FANCC: variants seen among roughly 807,000 people sequenced by gnomAD.
FANCC encodes the protein FA complementation group C.
In FANCC, 55 loss-of-function variants were observed where a neutral mutation model predicts 71.3. The ratio of observed to expected loss-of-function variants is 0.77; its 90% CI spans 0.62 to 0.97. The LOEUF is 0.97. FANCC is among the 50% of genes least tolerant of loss of function. The pLI is 0.00. For synonymous variants in FANCC, 275 were observed against 244.9 expected, an observed-to-expected ratio of 1.12 and a Z score of -1.15; for missense variants, 678 against 670.9, an observed-to-expected ratio of 1.01 and a Z score of -0.12.
In FANCC at chr9:95,303,767, C is replaced by T. The variant is rs12685903; in HGVS notation, c.-79+13759G>A. 3.3e-3 allele frequency among the ~76,000 whole-genome samples: 506 copies of T among 152,248 alleles called. 9 individuals are homozygous for T. The East Asian group carries it at 0.044, about 13-fold the overall frequency. On this transcript the variant is annotated intron_variant, in intron 1 of 14. Transcript: ENST00000289081. Reference sequence around the variant, plus strand: ...AAAGGCTCCATCTCCAAATACAGTCCCATTGGGGGTTACAGCTTCAGCTTC... The same window carrying T: ...AAAGGCTCCATCTCCAAATACAGTCTCATTGGGGGTTACAGCTTCAGCTTC...
At chr9:95,237,917 A>G (rs10283758) in intron 4 of FANCC, among the ~76,000 whole-genome samples, 34,355 of 152,212 alleles carry the variant, frequency 0.23, 5,042 homozygotes, top group Non-Finnish European at 0.33. Context: ...ATTAGGTGAA[A>G]TATCTTCTTA....
intron 3 of FANCC, 72 bp from the exon 4 acceptor site, chr9:95,240,815 A>G (rs1234269542): frequency 1.1e-5 from 10 of 876,434 alleles, no homozygotes; most frequent in African/African-American, 1.7e-5. Context: ...TGTAAACATT[A>G]TATTTAGGAA....
intron 6 of FANCC, among the ~76,000 whole-genome samples, chr9:95,152,290 A>G (rs1830219750): frequency 6.6e-6 from 1 of 152,264 alleles, no homozygotes; most frequent in East Asian, 1.9e-4. Context: ...GAGGAACAAT[A>G]TAATGCCAGA....
At chr9:95,201,748 G>A (rs375218894) in intron 4 of FANCC, among the ~76,000 whole-genome samples, 80 of 152,310 alleles carry the variant, frequency 5.3e-4, no homozygotes, top group African/African-American at 1.9e-3. Flanking sequence ...ATTTAAATTT[G>A]TTCCTTTTTG....
chr9:95,103,339 C>T (rs2071203245), intron 14 of FANCC, among the ~76,000 whole-genome samples: 1 of 152,232 alleles, frequency 6.6e-6, no homozygotes, highest in South Asian at 2.1e-4. Flanking sequence ...TGCCTCCCTG[C>T]TGGCCTTGGC....
intron 4 of FANCC, among the ~76,000 whole-genome samples, chr9:95,205,364 A>T (rs1411273922): frequency 6.6e-6 from 1 of 152,126 alleles, no homozygotes; most frequent in East Asian, 1.9e-4. Flanking sequence ...AGCAGCTAAG[A>T]TGTCATATTT....
At chr9:95,141,371 G>A (rs1018619492) in intron 7 of FANCC, among the ~76,000 whole-genome samples, 9 of 149,574 alleles carry the variant, frequency 6.0e-5, no homozygotes, top group African/African-American at 2.2e-4. Flanking sequence ...TTTCCATCAT[G>A]GATAAACAAT....
intron 4 of FANCC, among the ~76,000 whole-genome samples, chr9:95,205,178 C>G (rs917754514): frequency 6.6e-6 from 1 of 152,170 alleles, no homozygotes. Flanking sequence ...TCTCTTTAAG[C>G]TGGTTTTGAC....
At chr9:95,240,541 TA>T in intron 4 of FANCC, 107 bp downstream of exon 4, 3 of 741,846 alleles carry the variant, frequency 4.0e-6, no homozygotes, top group Non-Finnish European at 7.1e-6. Flanking sequence ...AAAAAGTTTC[TA>T]AAACATCATA....
intron 1 of FANCC, among the ~76,000 whole-genome samples, chr9:95,288,332 G>A (rs1280550864): frequency 6.6e-6 from 1 of 152,148 alleles, no homozygotes; most frequent in Non-Finnish European, 1.5e-5. Context: ...GGTTTGGCTA[G>A]TATAATAACT....
intron 4 of FANCC, among the ~76,000 whole-genome samples, chr9:95,175,075 C>A (rs1825929245): frequency 6.6e-6 from 1 of 152,118 alleles, no homozygotes; most frequent in African/African-American, 2.4e-5. Flanking sequence ...GAAACTCTAC[C>A]CTGAATCTGG....
intron 4 of FANCC, among the ~76,000 whole-genome samples, chr9:95,218,855 G>A (rs1829045437): frequency 6.6e-6 from 1 of 152,112 alleles, no homozygotes; most frequent in Admixed American, 6.5e-5. Flanking sequence ...GATTAAAATG[G>A]TTTTGTGGAA....
At chr9:95,246,848 C>T (rs1037911647) in intron 3 of FANCC, among the ~76,000 whole-genome samples, 21 of 152,138 alleles carry the variant, frequency 1.4e-4, no homozygotes, top group Non-Finnish European at 1.9e-4. Flanking sequence ...GGAAATGAGA[C>T]TGGACAGCAG....
intron 12 of FANCC, 81 bp downstream of exon 12, chr9:95,114,548 G>T: frequency 8.0e-7 from 1 of 1,250,898 alleles, no homozygotes; most frequent in Non-Finnish European, 1.2e-6. Context: ...GCCTTCCTCT[G>T]TCAGCCCTGC....
intron 1 of FANCC, 99 bp downstream of exon 1, chr9:95,317,427 T>C (rs1835832986): frequency 1.3e-5 from 2 of 152,704 alleles, no homozygotes; most frequent in Admixed American, 6.5e-5. Context: ...GCCTTCCCTC[T>C]TGCCCCTCGC....
At chr9:95,293,958 G>C (rs1018527305) in intron 1 of FANCC, 12 of 1,585,018 alleles carry the variant, frequency 7.6e-6, no homozygotes, top group Non-Finnish European at 8.7e-7. Context: ...TAGTAGCAGA[G>C]ATAGTAACTC....
chr9:95,314,079 G>A (rs944765115), intron 1 of FANCC, among the ~76,000 whole-genome samples: 1 of 152,104 alleles, frequency 6.6e-6, no homozygotes, highest in Non-Finnish European at 1.5e-5. Context: ...GTCGAACCAG[G>A]TAAGAAAAAA....
intron 4 of FANCC, among the ~76,000 whole-genome samples, chr9:95,239,094 A>C (rs1464953527): frequency 6.6e-6 from 1 of 152,142 alleles, no homozygotes; most frequent in Non-Finnish European, 1.5e-5. Flanking sequence ...TATTCTCCCT[A>C]ACTCTATCCT....
rs1275042834 is a variant in FANCC, at chr9:95,130,717, CCACAGTG to C, written c.844-4143_844-4137del. Among the ~76,000 whole-genome samples, 4 of 152,224 alleles carry C rather than the reference CCACAGTG, an allele frequency of 2.6e-5. No homozygotes were observed. The East Asian group carries it at 7.7e-4, about 29-fold the overall frequency. On this transcript the variant is annotated intron_variant, in intron 8 of 14. Coordinates refer to ENST00000289081, the MANE Select transcript of FANCC (RefSeq NM_000136.3). ...AGCTGTTTCCGAGCCACTGTTCTCT[CCACAGTG>C]GGAAGCCCTTGTTGTTAATATGTGC...
Sources: gnomAD v4.1 joint callset for allele counts (sites outside exome capture counted in the v4.1 genomes callset) on GRCh38, gnomAD v4.1.1 for gene constraint, MANE v1.5 for transcripts, NCBI Gene and HGNC (gene_info 2026-07-23, HGNC 2026-07-21) for gene names.